The following SPAG16 variants were observed in gnomAD, a reference collection of about 807,000 sequenced individuals.
The protein encoded by SPAG16 is sperm associated antigen 16, also known as sperm-associated antigen 16 protein.
A neutral mutation model predicts 80.4 loss-of-function variants in SPAG16; 86 were observed. The ratio of observed to expected loss-of-function variants is 1.07; its 90% CI spans 0.90 to 1.28. The LOEUF (loss-of-function observed/expected upper bound fraction) is 1.28, where lower values mean the gene tolerates loss of function less well. SPAG16 is among the 50% of genes most tolerant of loss of function. The pLI, the probability that SPAG16 is intolerant of heterozygous loss-of-function variation, is 0.00. For missense variants in SPAG16, 870 were observed against 765.3 expected (o/e 1.14, Z -1.61); for synonymous variants, 294 against 265.9 (o/e 1.11, Z -1.03).
chr2:213,944,234 C>A (rs1163511364), intron 12 of SPAG16, among the ~76,000 whole-genome samples: 4 of 152,350 alleles, frequency 2.6e-5, no homozygotes, highest in South Asian at 2.1e-4. Flanking sequence ...GGCAGAGCAA[C>A]TGGGGCCTGT....
intron 13 of SPAG16, among the ~76,000 whole-genome samples, chr2:214,056,282 C>CACAT (rs1260033631): frequency 5.5e-5 from 2 of 36,330 alleles, no homozygotes; most frequent in Admixed American, 2.8e-4. Flanking sequence ...AGTAGAAATA[C>CACAT]ACACACACAC....
intron 15 of SPAG16, chr2:214,240,875 T>C (rs1689415129): frequency 6.6e-6 from 1 of 152,104 alleles, no homozygotes; most frequent in African/African-American, 2.4e-5. Context: ...TCATGAAAAA[T>C]ACATATCTTG....
chr2:213,890,713 T>G (rs2076754045), intron 11 of SPAG16, among the ~76,000 whole-genome samples: 1 of 152,152 alleles, frequency 6.6e-6, no homozygotes, highest in Admixed American at 6.6e-5. Context: ...AGCTGCCTAT[T>G]AAGTTTTCTT....
chr2:213,647,424 T>TA (rs887067814), intron 10 of SPAG16, among the ~76,000 whole-genome samples: 1 of 152,194 alleles, frequency 6.6e-6, no homozygotes, highest in African/African-American at 2.4e-5. Flanking sequence ...TGAGCTTCAT[T>TA]AGGAGCATGC....
chr2:213,310,444 T>TTA (rs1401493302), intron 4 of SPAG16, among the ~76,000 whole-genome samples: 2 of 151,878 alleles, frequency 1.3e-5, no homozygotes, highest in Non-Finnish European at 2.9e-5. Flanking sequence ...TAAGTAATTT[T>TTA]TAAAAAATCA....
chr2:213,586,781 G>A (rs558911934), intron 10 of SPAG16, among the ~76,000 whole-genome samples: 7 of 152,300 alleles, frequency 4.6e-5, no homozygotes, highest in Middle Eastern at 3.4e-3. Flanking sequence ...GGGTAGACAC[G>A]TAACATTAGC....
chr2:213,684,014 A>C (rs1221614631), intron 10 of SPAG16, among the ~76,000 whole-genome samples: 1 of 152,208 alleles, frequency 6.6e-6, no homozygotes, highest in Admixed American at 6.5e-5. Context: ...TGGATTAGTA[A>C]GTACATAAAA....
chr2:213,678,659 T>C (rs1043789185), intron 10 of SPAG16, among the ~76,000 whole-genome samples: 1 of 152,176 alleles, frequency 6.6e-6, no homozygotes, highest in Admixed American at 6.6e-5. Flanking sequence ...CTTTCATGTT[T>C]TTCTGTCCTA....
At chr2:214,218,185 A>G (rs1027084933) in intron 15 of SPAG16, among the ~76,000 whole-genome samples, 13 of 152,264 alleles carry the variant, frequency 8.5e-5, no homozygotes, top group African/African-American at 3.1e-4. Flanking sequence ...TTCTGTTGTC[A>G]GTCTTTTATG....
chr2:214,242,017 T>A (rs1320162212), intron 15 of SPAG16, among the ~76,000 whole-genome samples: 1 of 152,222 alleles, frequency 6.6e-6, no homozygotes, highest in African/African-American at 2.4e-5. Context: ...AAGAAGAAGA[T>A]AAATTAGTCA....
At chr2:213,577,333 A>G (rs1467504643) in intron 10 of SPAG16, among the ~76,000 whole-genome samples, 2 of 152,106 alleles carry the variant, frequency 1.3e-5, no homozygotes, top group African/African-American at 2.4e-5. Flanking sequence ...CTTGAGTTCA[A>G]ATTGGACCTT....
intron 14 of SPAG16, among the ~76,000 whole-genome samples, chr2:214,134,277 C>G (rs1434971227): frequency 6.6e-6 from 1 of 152,136 alleles, no homozygotes; most frequent in Non-Finnish European, 1.5e-5. Context: ...CTTGCTCTTC[C>G]CTCTTCCTGA....
At chr2:213,381,484 G>A (rs12476948) in intron 9 of SPAG16, among the ~76,000 whole-genome samples, 2 of 152,164 alleles carry the variant, frequency 1.3e-5, no homozygotes, top group Non-Finnish European at 2.9e-5. Context: ...TGGACATTCA[G>A]CACTGGATGG....
intron 10 of SPAG16, among the ~76,000 whole-genome samples, chr2:213,832,997 TATA>T (rs1243434271): frequency 1.3e-5 from 2 of 152,148 alleles, no homozygotes; most frequent in African/African-American, 2.4e-5. Context: ...ATATGTTTCA[TATA>T]ATACTTTTTG....
At chr2:213,460,864 T>A (rs576578671) in intron 9 of SPAG16, among the ~76,000 whole-genome samples, 1 of 152,256 alleles carries the variant, frequency 6.6e-6, no homozygotes, top group Admixed American at 6.5e-5. Context: ...TTTCAGCAAG[T>A]CTCTTATAGT....
chr2:214,184,287 C>T lies in SPAG16; in HGVS notation c.1720+35021C>T, dbSNP rs76696674. On this transcript the variant is annotated intron_variant, in intron 15 of 15. Coordinates refer to ENST00000331683, the MANE Select transcript of SPAG16 (RefSeq NM_024532.5). ...ATAATTATTGGATATTAAAACTCAC[C>T]AAGGATTATTTTTGTCATATAAATG... is the stretch of plus-strand genomic sequence containing the variant. Among the ~76,000 whole-genome samples, 1,266 of 151,754 alleles carry T rather than the reference C, an allele frequency of 8.3e-3. 9 individuals are homozygous for T. The highest frequency in any genetic ancestry group is 0.029 in the African/African-American group (1,205 of 41,388).
At chr2:213,736,627 C>T (rs982839381) in intron 10 of SPAG16, among the ~76,000 whole-genome samples, 1 of 151,788 alleles carries the variant, frequency 6.6e-6, no homozygotes, top group African/African-American at 2.4e-5. Context: ...AAATAGAGAT[C>T]TTAATACCAA....
At chr2:213,654,560 A>C (rs2063146671) in intron 10 of SPAG16, among the ~76,000 whole-genome samples, 1 of 142,578 alleles carries the variant, frequency 7.0e-6, no homozygotes, top group South Asian at 2.1e-4. Flanking sequence ...AAAAAAAAAA[A>C]AAAAAAATTA....
chr2:213,420,594 A>G (rs957774497), intron 9 of SPAG16, among the ~76,000 whole-genome samples: 2 of 152,152 alleles, frequency 1.3e-5, no homozygotes, highest in Non-Finnish European at 2.9e-5. Context: ...TTGCCTTAAT[A>G]CTCTTGAAGG....
Sources: allele counts gnomAD v4.1 joint callset (sites outside exome capture counted in the v4.1 genomes callset), GRCh38; gene constraint gnomAD v4.1.1; transcripts MANE v1.5; gene names NCBI Gene and HGNC (gene_info 2026-07-23, HGNC 2026-07-21).